ADGRG2: variants seen among roughly 807,000 people sequenced by gnomAD.
ADGRG2 encodes the protein adhesion G protein-coupled receptor G2.
A neutral mutation model predicts 74.1 loss-of-function variants in ADGRG2; 26 were observed. The ratio of observed to expected loss-of-function variants is 0.35; its 90% CI spans 0.26 to 0.49. The LOEUF (loss-of-function observed/expected upper bound fraction) is 0.49. Among genes scored for constraint, ADGRG2 ranks in the 20% least tolerant of loss-of-function variants. The pLI is 0.99. For missense variants in ADGRG2, 619 were observed against 763.1 expected, an observed-to-expected ratio of 0.81 and a Z score of 2.22; for synonymous variants, 296 against 295.2, an observed-to-expected ratio of 1.00 and a Z score of -0.03.
At chrX:19,093,240 T>C (rs1199306243) in intron 1 of ADGRG2, among the ~76,000 whole-genome samples, 1 of 111,851 alleles carries the variant, frequency 8.9e-6, no homozygotes. Context: ...TGTGTTATTC[T>C]TATCAAGGTC....
intron 23 of ADGRG2, 95 bp downstream of exon 23, chrX:19,004,663 G>A (rs1253656684): frequency 1.1e-6 from 1 of 881,836 alleles, no homozygotes; most frequent in African/African-American, 2.0e-5. Flanking sequence ...GGTGTACAGG[G>A]TAAGGCAGGC....
At chrX:19,003,309 C>T (rs1047160917) in intron 23 of ADGRG2, among the ~76,000 whole-genome samples, 195 bp from the exon 24 acceptor site, 4 of 110,738 alleles carry the variant, frequency 3.6e-5, no homozygotes, top group Non-Finnish European at 5.7e-5. Context: ...GGACTACAGG[C>T]GCTCTCTACC....
At chrX:19,008,777 C>T (rs894049220) in intron 18 of ADGRG2, among the ~76,000 whole-genome samples, 2 of 111,795 alleles carry the variant, frequency 1.8e-5, no homozygotes, top group African/African-American at 6.5e-5. Context: ...GACTGCAGAC[C>T]CCAGGGAGAC....
intron 1 of ADGRG2, among the ~76,000 whole-genome samples, chrX:19,112,482 G>A (rs750301751): frequency 9.1e-6 from 1 of 110,260 alleles, no homozygotes; most frequent in African/African-American, 3.3e-5. Context: ...CTGGCCAAGT[G>A]ATCAAAATTA....
chrX:19,005,554 CT>C (rs72423142), intron 22 of ADGRG2, among the ~76,000 whole-genome samples: 7,902 of 95,473 alleles, frequency 0.083, 791 homozygotes, highest in African/African-American at 0.27. Context: ...ATCTCTCTCT[CT>C]TTTTTTTTTT....
Position 18,996,132 on chromosome X carries a change from A to T in ADGRG2, c.2635T>A (p.Tyr879Asn). The change falls in exon 27 of 29, where the codon TAC becomes AAC. Residue 879 changes from tyrosine (Y) to asparagine (N), a missense_variant. Physicochemically the swap from Tyr to Asn is moderately radical, Grantham distance 143 (BLOSUM62 -2). This residue lies in a region of ADGRG2 where 106 missense variants were observed against 104.5 expected (regional missense o/e 1.01). Coordinates refer to ENST00000379869, the MANE Select transcript of ADGRG2 (RefSeq NM_001079858.3). ...TLQGFFIFIF[Y>N]CVAKENVRKQ... ...CTGACATTTTCTTTGGCCACACAGT[A>T]AAAGATGAATATGAAAAATCCTAAG... 8.7e-7 allele frequency: 1 copy of T among 1,148,635 alleles called. No individual in the cohort carries two copies. The highest frequency in any genetic ancestry group is 1.2e-6 in the Non-Finnish European group (1 of 839,771). 94.7% of individuals were successfully genotyped at this position (1,148,635 alleles called of 1,213,427 possible). A position where few individuals can be genotyped will look rare whatever the true frequency, so the allele number is the denominator to read the frequency against.
Position 18,998,388 on chromosome X carries a change from G to A in ADGRG2, c.2614+608C>T, listed in dbSNP as rs750582652. On this transcript the variant is annotated intron_variant, in intron 26 of 28. Coordinates refer to ENST00000379869, the MANE Select transcript of ADGRG2 (RefSeq NM_001079858.3). ...ATTGACTTTTTCAAAAAGTGTTCCT[G>A]GCAGGTTCCCCTCAATATGGTCTCT... Among the ~76,000 whole-genome samples, 42 of 110,665 alleles carry A rather than the reference G, an allele frequency of 3.8e-4. No homozygotes were observed. The East Asian group carries it at 0.012, about 31-fold the overall frequency.
At chrX:19,075,675 T>C (rs2061737839) in intron 2 of ADGRG2, among the ~76,000 whole-genome samples, 1 of 108,530 alleles carries the variant, frequency 9.2e-6, no homozygotes, top group South Asian at 4.1e-4. Context: ...AAGAAGCTGC[T>C]GTTAGACTGA....
chrX:19,074,556 C>CT (rs1172427565), intron 2 of ADGRG2, among the ~76,000 whole-genome samples: 5 of 85,644 alleles, frequency 5.8e-5, no homozygotes, highest in African/African-American at 2.4e-4. Flanking sequence ...TCTTCTTCTT[C>CT]TTCTTCTTTT....
intron 4 of ADGRG2, 28 bp downstream of exon 4, chrX:19,040,161 T>C (rs41308443): frequency 0.032 from 32,067 of 1,006,653 alleles, 492 homozygotes; most frequent in Middle Eastern, 0.047. Context: ...TTCCTGAAAT[T>C]CCCCAGAGTT....
intron 2 of ADGRG2, among the ~76,000 whole-genome samples, chrX:19,079,932 C>T (rs182296564): frequency 0.031 from 3,203 of 102,657 alleles, 50 homozygotes; most frequent in Non-Finnish European, 0.047. Flanking sequence ...TTTTTTGAGA[C>T]GGAGTTTTGC....
intron 24 of ADGRG2, among the ~76,000 whole-genome samples, chrX:19,000,985 T>A (rs989034197): frequency 9.0e-6 from 1 of 110,934 alleles, no homozygotes; most frequent in Non-Finnish European, 1.9e-5. Context: ...TCCGCCCACC[T>A]CGGCCTCCCA....
chrX:19,004,938 T>C, intron 22 of ADGRG2, 59 bp from the exon 23 acceptor site: 2 of 945,772 alleles, frequency 2.1e-6, no homozygotes, highest in Non-Finnish European at 2.9e-6. Flanking sequence ...ACAAGACTTA[T>C]GATGTATCAA....
chrX:19,074,627 T>A lies in ADGRG2; in HGVS notation c.-1-5792A>T, dbSNP rs6629314. On this transcript the variant is annotated intron_variant, in intron 2 of 28. Transcript: ENST00000379869. ...CTCTGTCTCCCAAGCTGGAGAGCAG[T>A]GGCATGATCTCGGCTCACTGCAACC... Among the ~76,000 whole-genome samples, 12 of 97,804 alleles carry A rather than the reference T, an allele frequency of 1.2e-4. No individual in the cohort carries two copies. In the East Asian group the frequency reaches 3.9e-3, roughly 32 times the overall value. 84.9% of individuals were successfully genotyped at this position (97,804 alleles called of 115,157 possible).
At chrX:19,054,908 C>T (rs2061383967) in intron 3 of ADGRG2, among the ~76,000 whole-genome samples, 1 of 111,182 alleles carries the variant, frequency 9.0e-6, no homozygotes. Flanking sequence ...ACTGCTCCAC[C>T]TTCTCCTGGG....
In ADGRG2 at chrX:19,013,737, C is replaced by A. The variant is rs370180158; in HGVS notation, c.1048G>T (p.Val350Leu). 8.3e-7 allele frequency: 1 copy of A among 1,201,529 alleles called. No individual in the cohort carries two copies. Among genetic ancestry groups the A allele is most frequent in the Non-Finnish European group, 1.1e-6 (1 of 890,466 alleles). ...GTGTTGACATTCGCAGGGGCAGACACGGTGGGAGAGGAAAATGAGGCTTTC... is the reference window on the plus strand; with the variant it reads ...GTGTTGACATTCGCAGGGGCAGACAAGGTGGGAGAGGAAAATGAGGCTTTC... ...PVKASFSSPT[V>L]SAPANVNTTS... is the part of the protein sequence containing the mutation. Residue 350 changes from valine (V) to leucine (L), a missense_variant, in exon 16 of 29, where the codon GTG (valine) becomes TTG (leucine). This residue lies in a region of ADGRG2 where 292 missense variants were observed against 318.0 expected (regional missense o/e 0.92). Coordinates refer to ENST00000379869, the MANE Select transcript of ADGRG2 (RefSeq NM_001079858.3).
Position 18,999,935 on chromosome X carries a change from G to T in ADGRG2, c.2256C>A (p.Ile752=). ...AGTTATCTGGGGATATAGTCAGGAT[G>T]ATGGTCACAACCACAGCTGGTACCC... The part of the protein sequence containing the change: ...GWGVPAVVVT[I]ILTISPDNYG... The change falls in exon 25 of 29, where the codon ATC becomes ATA. Residue 752 remains isoleucine (I), a synonymous_variant. Coordinates refer to ENST00000379869, the MANE Select transcript of ADGRG2 (RefSeq NM_001079858.3). 1 of 1,174,160 alleles carries T rather than the reference G, an allele frequency of 8.5e-7. No homozygotes were observed. Among genetic ancestry groups the T allele is most frequent in the Non-Finnish European group, 1.2e-6 (1 of 862,788 alleles).
At chrX:19,076,693 C>T (rs942424539) in intron 2 of ADGRG2, among the ~76,000 whole-genome samples, 2 of 111,037 alleles carry the variant, frequency 1.8e-5, no homozygotes, top group Non-Finnish European at 3.8e-5. Flanking sequence ...TGCTTGAACC[C>T]GGGAGGTGGA....
At chrX:19,078,728 T>C in intron 2 of ADGRG2, among the ~76,000 whole-genome samples, 1 of 107,688 alleles carries the variant, frequency 9.3e-6, no homozygotes, top group South Asian at 4.1e-4. Flanking sequence ...TCTTAAGAAG[T>C]GTGAAAAAGT....
Sources: allele counts gnomAD v4.1 joint callset (sites outside exome capture counted in the v4.1 genomes callset), GRCh38; gene constraint gnomAD v4.1.1; regional missense constraint gnomAD v4.1.1; transcripts MANE v1.5; gene names NCBI Gene and HGNC (gene_info 2026-07-23, HGNC 2026-07-21).